Variants in CADM2 observed in about 807,000 individuals in gnomAD.
CADM2 encodes the protein cell adhesion molecule 2.
A neutral mutation model predicts 49.8 loss-of-function variants in CADM2; 12 were observed. That is an observed-to-expected ratio of 0.24 (90% CI 0.15 to 0.39). The LOEUF (loss-of-function observed/expected upper bound fraction) is 0.39. Among genes scored for constraint, CADM2 ranks in the 10% least tolerant of loss-of-function variants. The pLI is 1.00. For missense variants in CADM2, 378 were observed against 492.3 expected, an observed-to-expected ratio of 0.77 and a Z score of 2.20; for synonymous variants, 214 against 175.4, an observed-to-expected ratio of 1.22 and a Z score of -1.74.
chr3:85,039,986 G>T (rs1004738575), intron 1 of CADM2, among the ~76,000 whole-genome samples: 1 of 152,108 alleles, frequency 6.6e-6, no homozygotes, highest in African/African-American at 2.4e-5. Flanking sequence ...AAACCTTCAG[G>T]CAGTATGACT....
chr3:85,006,462 ATCACAATTAAACATATG>A (rs1330920300), intron 1 of CADM2, among the ~76,000 whole-genome samples: 2 of 152,204 alleles, frequency 1.3e-5, no homozygotes, highest in African/African-American at 4.8e-5. Flanking sequence ...TTTTCTTTGA[ATCACAATTAAACATATG>A]ACTTATTCTA....
chr3:85,408,241 G>A (rs1227685453), intron 1 of CADM2, among the ~76,000 whole-genome samples: 1 of 152,068 alleles, frequency 6.6e-6, no homozygotes. Flanking sequence ...GAGAATGGAA[G>A]GATTCAGCGC....
At chr3:85,801,174 G>A (rs780193215) in intron 2 of CADM2, among the ~76,000 whole-genome samples, 74 of 151,948 alleles carry the variant, frequency 4.9e-4, no homozygotes, top group Admixed American at 1.2e-3. Flanking sequence ...TTATGTATCC[G>A]TGTGCATAAA....
At chr3:85,987,280 C>T (rs966953330) in intron 8 of CADM2, among the ~76,000 whole-genome samples, 1 of 152,022 alleles carries the variant, frequency 6.6e-6, no homozygotes, top group Admixed American at 6.6e-5. Flanking sequence ...TTTAAAACAT[C>T]AAACATTTTT....
intron 1 of CADM2, among the ~76,000 whole-genome samples, chr3:85,029,260 A>G (rs1226984949): frequency 1.3e-5 from 2 of 152,170 alleles, no homozygotes; most frequent in African/African-American, 4.8e-5. Context: ...CTAGCAATAA[A>G]TCAAATACAG....
intron 1 of CADM2, among the ~76,000 whole-genome samples, chr3:85,133,139 G>C (rs971316424): frequency 2.6e-5 from 4 of 152,320 alleles, no homozygotes; most frequent in Middle Eastern, 3.4e-3. Context: ...TTCTCAGTGA[G>C]TGTTACAGCT....
intron 8 of CADM2, among the ~76,000 whole-genome samples, chr3:85,966,318 A>G (rs1230958214): frequency 6.6e-6 from 1 of 151,720 alleles, no homozygotes; most frequent in Non-Finnish European, 1.5e-5. Context: ...GTTATAGCAG[A>G]GTTGAGATGC....
intron 8 of CADM2, among the ~76,000 whole-genome samples, chr3:85,963,302 C>G (rs1490323025): frequency 6.6e-6 from 1 of 151,888 alleles, no homozygotes; most frequent in East Asian, 2.0e-4. Context: ...GAAAAATTAG[C>G]CTAATCCAAT....
chr3:85,636,625 TACTC>T (rs1479904581), intron 1 of CADM2, among the ~76,000 whole-genome samples: 1 of 152,198 alleles, frequency 6.6e-6, no homozygotes, highest in Non-Finnish European at 1.5e-5. Flanking sequence ...ACTCACCACT[TACTC>T]ACTATCTCAC....
chr3:85,791,897 T>C (rs1158004185), intron 2 of CADM2, among the ~76,000 whole-genome samples: 1 of 152,048 alleles, frequency 6.6e-6, no homozygotes, highest in Non-Finnish European at 1.5e-5. Context: ...TAATTTTTTC[T>C]ACTTTTTAGT....
intron 1 of CADM2, among the ~76,000 whole-genome samples, chr3:85,076,123 T>A (rs59322652): frequency 0.05 from 7,563 of 152,036 alleles, 227 homozygotes; most frequent in African/African-American, 0.069. Context: ...CTCCATGCAT[T>A]ACCTCATTTA....
intron 8 of CADM2, among the ~76,000 whole-genome samples, chr3:86,025,517 T>C (rs1338919053): frequency 6.6e-6 from 1 of 152,166 alleles, no homozygotes; most frequent in Non-Finnish European, 1.5e-5. Flanking sequence ...AAATGATTAT[T>C]CCATGTCTTT....
chr3:84,982,206 G>A (rs186753637), intron 1 of CADM2, among the ~76,000 whole-genome samples: 47 of 151,952 alleles, frequency 3.1e-4, no homozygotes, highest in Non-Finnish European at 5.7e-4. Context: ...TTCTTTTTAC[G>A]GTTCATCTTT....
intron 1 of CADM2, among the ~76,000 whole-genome samples, chr3:85,536,733 T>C: frequency 6.6e-6 from 1 of 151,982 alleles, no homozygotes; most frequent in Non-Finnish European, 1.5e-5. Flanking sequence ...CAATCAAAAA[T>C]AAAGGGAAGA....
intron 1 of CADM2, among the ~76,000 whole-genome samples, chr3:85,671,108 G>A (rs549550116): frequency 9.2e-5 from 14 of 152,264 alleles, no homozygotes; most frequent in East Asian, 1.9e-4. Flanking sequence ...CAAAAGAACC[G>A]CCAGTTCCTG....
chr3:85,379,963 A>G (rs1321409373), intron 1 of CADM2, among the ~76,000 whole-genome samples: 1 of 152,042 alleles, frequency 6.6e-6, no homozygotes, highest in Non-Finnish European at 1.5e-5. Flanking sequence ...GCTTTAGCAA[A>G]CATTTCTGTT....
At chr3:85,394,543 T>C (rs1424547510) in intron 1 of CADM2, among the ~76,000 whole-genome samples, 3 of 152,200 alleles carry the variant, frequency 2.0e-5, no homozygotes, top group African/African-American at 7.2e-5. Context: ...ACTCCTCTTA[T>C]CTAGCTAGAG....
chr3:85,544,928 A>G (rs12493440), intron 1 of CADM2, among the ~76,000 whole-genome samples: 9,098 of 152,234 alleles, frequency 0.06, 618 homozygotes, highest in African/African-American at 0.17. Flanking sequence ...TTTGTGAACA[A>G]TCATGTTTAC....
At chr3:86,060,580 G>C (rs1738512307) in intron 8 of CADM2, among the ~76,000 whole-genome samples, 1 of 152,156 alleles carries the variant, frequency 6.6e-6, no homozygotes, top group Non-Finnish European at 1.5e-5. Flanking sequence ...TTTGAGACAG[G>C]AACTCTGTGT....
Sources: gnomAD v4.1 joint callset for allele counts (sites outside exome capture counted in the v4.1 genomes callset) on GRCh38, gnomAD v4.1.1 for gene constraint, MANE v1.5 for transcripts, NCBI Gene and HGNC (gene_info 2026-07-23, HGNC 2026-07-21) for gene names.